Variants in RYR3 observed in about 807,000 individuals in gnomAD.
RYR3 encodes brain ryanodine receptor-calcium release channel.
Under a neutral mutation model 584.3 loss-of-function variants are expected in RYR3, and 207 were observed. That is an observed-to-expected ratio of 0.35 (90% confidence interval 0.32 to 0.40). The LOEUF (loss-of-function observed/expected upper bound fraction) is 0.40. RYR3 is among the 10% of genes least tolerant of loss of function. The pLI is 1.00. For missense variants in RYR3, 5,616 were observed against 6,089.2 expected (o/e 0.92, Z 2.59); for synonymous variants, 2,416 against 2,248.5 (o/e 1.07, Z -2.11).
At chr15:33,856,561 C>G (rs1192560219) in intron 98 of RYR3, 1 of 152,276 alleles carries the variant, frequency 6.6e-6, no homozygotes, top group Non-Finnish European at 1.5e-5. Flanking sequence ...CTTAGAGTAA[C>G]TTCAAAGTTG....
chr15:33,374,179 A>G (rs1408337379), intron 1 of RYR3, among the ~76,000 whole-genome samples: 1 of 152,058 alleles, frequency 6.6e-6, no homozygotes, highest in Admixed American at 6.6e-5. Context: ...GTTTTTAAAG[A>G]AAAAAAAGCC....
At chr15:33,455,700 C>T (rs748028683) in intron 1 of RYR3, among the ~76,000 whole-genome samples, 2 of 152,110 alleles carry the variant, frequency 1.3e-5, no homozygotes, top group Non-Finnish European at 2.9e-5. Context: ...ACGGGTACAG[C>T]TTTGTCATAG....
intron 1 of RYR3, among the ~76,000 whole-genome samples, chr15:33,426,206 T>C (rs571142024): frequency 4.4e-4 from 67 of 152,292 alleles, no homozygotes; most frequent in African/African-American, 1.5e-3. Context: ...TGATGCAAAA[T>C]AGAAAAATAT....
chr15:33,369,771 T>C (rs1384325101), intron 1 of RYR3, among the ~76,000 whole-genome samples: 1 of 152,198 alleles, frequency 6.6e-6, no homozygotes, highest in African/African-American at 2.4e-5. Flanking sequence ...ATTTTCTGAG[T>C]GAATGAGGAA....
In RYR3 at chr15:33,670,385, CT is replaced by C. The variant is rs2063772540; in HGVS notation, c.5723-31del. The C allele has an allele frequency of 3.7e-6, 6 of 1,609,640 alleles. No individual in the cohort carries two copies. In the Middle Eastern group the frequency reaches 5.0e-4, roughly 133 times the overall value. On this transcript the variant is annotated intron_variant, in intron 37 of 103. Coordinates refer to ENST00000634891, the MANE Select transcript of RYR3 (RefSeq NM_001036.6). ...GACACTATGATGGTTTCATGCACTG[CT>C]TTGGATTTTCACCCTGTTCTGTGGC...
intron 2 of RYR3, among the ~76,000 whole-genome samples, chr15:33,491,898 A>G (rs909074622): frequency 1.3e-5 from 2 of 152,202 alleles, no homozygotes; most frequent in African/African-American, 4.8e-5. Context: ...AAAGATGTCA[A>G]TGACTTCAAC....
At chr15:33,789,313 C>G (rs1451207639) in intron 67 of RYR3, among the ~76,000 whole-genome samples, 1 of 151,874 alleles carries the variant, frequency 6.6e-6, no homozygotes, top group Non-Finnish European at 1.5e-5. Flanking sequence ...GTAATGTGAT[C>G]TGATTCACTC....
At chr15:33,464,216 A>G (rs187779478) in intron 1 of RYR3, among the ~76,000 whole-genome samples, 53 of 152,062 alleles carry the variant, frequency 3.5e-4, no homozygotes, top group Admixed American at 3.2e-3. Context: ...AAATGGAGCT[A>G]TAATTTTATA....
In RYR3 at chr15:33,662,899, C is replaced by T; in HGVS notation, c.5369C>T (p.Pro1790Leu). Residue 1790 changes from proline (P) to leucine (L), a missense_variant, in exon 35 of 104, where the codon CCT (proline) becomes CTT (leucine). By Grantham distance (98) the Pro-to-Leu change is moderately conservative. Coordinates refer to ENST00000634891, the MANE Select transcript of RYR3 (RefSeq NM_001036.6). The stretch of plus-strand genomic sequence containing the variant: ...GGGGAGAAGGCCGGCAAGGAGGCTC[C>T]TGTCAAAGGCTTGTTGCAGACTCGA... ...EAGEKAGKEA[P>L]VKGLLQTRLP... The T allele has an allele frequency of 1.2e-6, 2 of 1,613,406 alleles. No individual in the cohort carries two copies. Among genetic ancestry groups the T allele is most frequent in the Middle Eastern group, 1.6e-4 (1 of 6,062 alleles).
chr15:33,374,946 T>A (rs1187246244), intron 1 of RYR3, among the ~76,000 whole-genome samples: 1 of 152,236 alleles, frequency 6.6e-6, no homozygotes, highest in East Asian at 1.9e-4. Flanking sequence ...TAAAGAACTA[T>A]CTTGAATATT....
intron 1 of RYR3, among the ~76,000 whole-genome samples, chr15:33,318,635 G>A (rs1020876294): frequency 4.6e-5 from 7 of 152,124 alleles, no homozygotes; most frequent in Admixed American, 3.3e-4. Context: ...TGGAGATGGC[G>A]GTTCAGACTC....
At chr15:33,361,513 C>T (rs1326810106) in intron 1 of RYR3, among the ~76,000 whole-genome samples, 1 of 152,152 alleles carries the variant, frequency 6.6e-6, no homozygotes, top group Non-Finnish European at 1.5e-5. Flanking sequence ...GGGTGTTTAG[C>T]ATTGCACCTT....
chr15:33,614,991 G>A lies in RYR3; in HGVS notation c.2357+1616G>A, dbSNP rs149258695. Among the ~76,000 whole-genome samples, 21 of 151,304 alleles carry A rather than the reference G, an allele frequency of 1.4e-4. No individual in the cohort carries two copies. The East Asian group carries it at 2.9e-3, about 21-fold the overall frequency. ...TTGCTATTTCTCTGCCTCTTTCCTCGTACCTACCAGTTGGATGCTATTTTT... is the reference window on the plus strand; with the variant it reads ...TTGCTATTTCTCTGCCTCTTTCCTCATACCTACCAGTTGGATGCTATTTTT... On this transcript the variant is annotated intron_variant, in intron 19 of 103. Coordinates refer to ENST00000634891, the MANE Select transcript of RYR3 (RefSeq NM_001036.6).
chr15:33,739,846 T>C lies in RYR3; in HGVS notation c.7671T>C (p.Asp2557=). The change falls in exon 51 of 104, where the codon GAT becomes GAC. Residue 2557 remains aspartate (D), a synonymous_variant. Transcript: ENST00000634891. Reference sequence around the variant, plus strand: ...TTCCCTCACAGAAATATGACCCAGATCTTTTCCGAATGGCCCTGCCTTGTC... The same window carrying C: ...TTCCCTCACAGAAATATGACCCAGACCTTTTCCGAATGGCCCTGCCTTGTC... ...DSLSHKKYDP[D]LFRMALPCLS... 6.2e-7 allele frequency: 1 copy of C among 1,613,566 alleles called. No individual in the cohort carries two copies. The highest frequency in any genetic ancestry group is 8.5e-7 in the Non-Finnish European group (1 of 1,179,714).
In RYR3 at chr15:33,736,306, A is replaced by G. The variant is rs768159124; in HGVS notation, c.7496A>G (p.Tyr2499Cys). 6.2e-7 allele frequency: 1 copy of G among 1,611,778 alleles called. No homozygotes were observed. Among genetic ancestry groups the G allele is most frequent in the South Asian group, 1.1e-5 (1 of 90,516 alleles). The stretch of plus-strand genomic sequence containing the variant: ...TTTGATGTGCCGCAACTCAATGAAT[A>G]CTGCAAAATGCCTCTCAAGGTAAAC... ...LVFDVPQLNE[Y>C]CKMPLKLLTN... Residue 2499 changes from tyrosine (Y) to cysteine (C), a missense_variant, in exon 49 of 104, where the codon TAC (tyrosine) becomes TGC (cysteine). Around this residue, in one of 9 missense-constraint regions of RYR3, gnomAD observed 1,280 missense variants for 1,426.2 expected, o/e 0.90. Coordinates refer to ENST00000634891, the MANE Select transcript of RYR3 (RefSeq NM_001036.6).
chr15:33,514,612 CTTT>C (rs199716620), intron 3 of RYR3, among the ~76,000 whole-genome samples: 1 of 144,512 alleles, frequency 6.9e-6, no homozygotes. Context: ...GAATGCATTA[CTTT>C]TTTTTTTTTT....
At chr15:33,531,992 A>G (rs114260361) in intron 4 of RYR3, among the ~76,000 whole-genome samples, 2,340 of 152,298 alleles carry the variant, frequency 0.015, 25 homozygotes, top group Non-Finnish European at 0.022. Flanking sequence ...CATTATTTAC[A>G]TTAAGTTTAC....
At chr15:33,424,773 T>C (rs1596074184) in intron 1 of RYR3, among the ~76,000 whole-genome samples, 1 of 152,170 alleles carries the variant, frequency 6.6e-6, no homozygotes, top group East Asian at 1.9e-4. Flanking sequence ...ATCTTATTTA[T>C]CATATCTTAT....
chr15:33,828,710 G>A (rs1195241263), intron 85 of RYR3, among the ~76,000 whole-genome samples: 1 of 152,230 alleles, frequency 6.6e-6, no homozygotes, highest in Non-Finnish European at 1.5e-5. Flanking sequence ...AGCTAGCAGA[G>A]TTTGGTTCAT....
Sources: allele counts gnomAD v4.1 joint callset (sites outside exome capture counted in the v4.1 genomes callset), GRCh38; gene constraint gnomAD v4.1.1; regional missense constraint gnomAD v4.1.1; transcripts MANE v1.5; gene names NCBI Gene and HGNC (gene_info 2026-07-23, HGNC 2026-07-21).